KCND2: variants seen among roughly 807,000 people sequenced by gnomAD.
The protein encoded by KCND2 is A-type voltage-gated potassium channel KCND2.
A neutral mutation model predicts 54.4 loss-of-function variants in KCND2; 16 were observed. The observed-to-expected ratio is 0.29, with a 90% CI of 0.20 to 0.45. The LOEUF (loss-of-function observed/expected upper bound fraction) is 0.45. KCND2 is among the 20% of genes least tolerant of loss of function. The pLI, the probability that KCND2 is intolerant of heterozygous loss-of-function variation, is 1.00. For synonymous variants in KCND2, 317 were observed against 310.7 expected, an observed-to-expected ratio of 1.02 and a Z score of -0.21; for missense variants, 486 against 824.2, an observed-to-expected ratio of 0.59 and a Z score of 5.02.
At chr7:120,664,026 A>G (rs1791896252) in intron 1 of KCND2, among the ~76,000 whole-genome samples, 2 of 152,144 alleles carry the variant, frequency 1.3e-5, no homozygotes, top group African/African-American at 4.8e-5. Flanking sequence ...CCTTCCTTTC[A>G]ATACCAAATC....
intron 1 of KCND2, among the ~76,000 whole-genome samples, chr7:120,342,981 G>A (rs1236960097): frequency 1.3e-5 from 2 of 152,134 alleles, no homozygotes; most frequent in Non-Finnish European, 2.9e-5. Flanking sequence ...AAGTAGCTCT[G>A]TTCCATATAG....
intron 1 of KCND2, among the ~76,000 whole-genome samples, chr7:120,407,478 T>G (rs376674055): frequency 1.3e-5 from 2 of 152,006 alleles, no homozygotes; most frequent in African/African-American, 4.8e-5. Context: ...ACATGGACTT[T>G]GGATCCAGAC....
intron 1 of KCND2, among the ~76,000 whole-genome samples, chr7:120,593,396 G>A (rs997230213): frequency 2.6e-5 from 4 of 152,130 alleles, no homozygotes; most frequent in Admixed American, 6.5e-5. Flanking sequence ...AGATGAGGTC[G>A]GTCTACAGAC....
chr7:120,404,382 C>G (rs1417642375), intron 1 of KCND2, among the ~76,000 whole-genome samples: 1 of 152,160 alleles, frequency 6.6e-6, no homozygotes, highest in Non-Finnish European at 1.5e-5. Flanking sequence ...TTCTGAACAT[C>G]TCTACATTTG....
intron 1 of KCND2, among the ~76,000 whole-genome samples, chr7:120,553,308 T>C (rs1368303921): frequency 6.6e-6 from 1 of 152,232 alleles, no homozygotes; most frequent in East Asian, 1.9e-4. Flanking sequence ...GGTTCATCTA[T>C]GTTGTTTCAA....
chr7:120,618,650 C>G (rs1251004344), intron 1 of KCND2, among the ~76,000 whole-genome samples: 2 of 151,920 alleles, frequency 1.3e-5, no homozygotes, highest in Non-Finnish European at 2.9e-5. Flanking sequence ...TGTATTTTCT[C>G]TATCATATTA....
At chr7:120,606,088 T>G (rs1792878084) in intron 1 of KCND2, among the ~76,000 whole-genome samples, 1 of 152,144 alleles carries the variant, frequency 6.6e-6, no homozygotes, top group Non-Finnish European at 1.5e-5. Flanking sequence ...GTGCCTTTGC[T>G]CCTCCTTTGC....
intron 1 of KCND2, among the ~76,000 whole-genome samples, chr7:120,280,644 G>C (rs1799246328): frequency 6.6e-6 from 1 of 151,824 alleles, no homozygotes; most frequent in Non-Finnish European, 1.5e-5. Flanking sequence ...TACATTCCTA[G>C]TGGAAGAAAA....
intron 1 of KCND2, among the ~76,000 whole-genome samples, chr7:120,507,694 C>G (rs1178521048): frequency 1.3e-5 from 2 of 151,866 alleles, no homozygotes; most frequent in African/African-American, 4.8e-5. Flanking sequence ...CCTATACCCT[C>G]AGGCTCCTAG....
chr7:120,488,683 TC>T (rs1471590829), intron 1 of KCND2, among the ~76,000 whole-genome samples: 1 of 152,120 alleles, frequency 6.6e-6, no homozygotes, highest in Admixed American at 6.5e-5. Flanking sequence ...TAATTCTGTG[TC>T]CCCCTTTATT....
intron 1 of KCND2, among the ~76,000 whole-genome samples, chr7:120,695,192 T>C (rs900232506): frequency 6.6e-5 from 10 of 151,096 alleles, no homozygotes; most frequent in African/African-American, 2.4e-4. Flanking sequence ...CTGTTATATA[T>C]GTATATTAGT....
intron 1 of KCND2, among the ~76,000 whole-genome samples, chr7:120,472,169 A>G (rs1802464516): frequency 6.6e-6 from 1 of 151,938 alleles, no homozygotes; most frequent in Non-Finnish European, 1.5e-5. Flanking sequence ...CAGGTAAATG[A>G]CATCATCTTC....
chr7:120,392,575 G>A (rs1030883186), intron 1 of KCND2, among the ~76,000 whole-genome samples: 2 of 151,660 alleles, frequency 1.3e-5, no homozygotes, highest in Admixed American at 1.3e-4. Context: ...TTATTTGAAT[G>A]TTATGAATAA....
At chr7:120,409,353 A>G (rs778633394) in intron 1 of KCND2, among the ~76,000 whole-genome samples, 1 of 151,994 alleles carries the variant, frequency 6.6e-6, no homozygotes, top group Non-Finnish European at 1.5e-5. Context: ...GTTATATACT[A>G]TGGCTCTATG....
intron 1 of KCND2, among the ~76,000 whole-genome samples, chr7:120,506,608 G>A (rs558773472): frequency 2.6e-5 from 4 of 151,996 alleles, no homozygotes; most frequent in Non-Finnish European, 4.4e-5. Context: ...GGAAGTCATG[G>A]AAACAAACGT....
At chr7:120,330,399 G>A (rs1584733176) in intron 1 of KCND2, among the ~76,000 whole-genome samples, 2 of 151,766 alleles carry the variant, frequency 1.3e-5, no homozygotes, top group African/African-American at 4.8e-5. Context: ...GCCCAACATG[G>A]CAAAACCCTG....
At chr7:120,500,415 G>A (rs1410722669) in intron 1 of KCND2, among the ~76,000 whole-genome samples, 5 of 152,060 alleles carry the variant, frequency 3.3e-5, no homozygotes, top group South Asian at 2.1e-4. Context: ...ATGTAATAAA[G>A]TACAGTGTGT....
intron 1 of KCND2, among the ~76,000 whole-genome samples, chr7:120,662,569 G>A (rs984259480): frequency 6.6e-6 from 1 of 152,156 alleles, no homozygotes; most frequent in Non-Finnish European, 1.5e-5. Flanking sequence ...TGTGCTATTT[G>A]TGATGTGTGA....
chr7:120,439,659 C>T (rs1801921431), intron 1 of KCND2, among the ~76,000 whole-genome samples: 1 of 152,040 alleles, frequency 6.6e-6, no homozygotes, highest in African/African-American at 2.4e-5. Context: ...CATATCCTCT[C>T]CTCTCCCATA....
Sources: allele counts gnomAD v4.1 joint callset (sites outside exome capture counted in the v4.1 genomes callset), GRCh38; gene constraint gnomAD v4.1.1; transcripts MANE v1.5; gene names NCBI Gene and HGNC (gene_info 2026-07-23, HGNC 2026-07-21).